Variants in SMOC1 observed in about 807,000 individuals in gnomAD.
SMOC1 encodes SPARC related modular calcium binding 1.
SMOC1 carries 22 observed loss-of-function variants against 56.3 expected under a neutral mutation model. The ratio of observed to expected loss-of-function variants is 0.39; its 90% CI spans 0.28 to 0.56. The LOEUF is 0.56. SMOC1 is among the 20% of genes least tolerant of loss of function. The pLI, the probability that SMOC1 is intolerant of heterozygous loss-of-function variation, is 0.61. For missense variants in SMOC1, 509 were observed against 565.4 expected (o/e 0.90, Z 1.01); for synonymous variants, 193 against 215.0 (o/e 0.90, Z 0.89).
intron 1 of SMOC1, among the ~76,000 whole-genome samples, chr14:69,950,661 A>G (rs1247477513): frequency 6.6e-6 from 1 of 152,206 alleles, no homozygotes; most frequent in African/African-American, 2.4e-5. Flanking sequence ...GGGAGTAGAT[A>G]AGGGTGGACC....
chr14:70,027,791 C>T (rs751984479), intron 11 of SMOC1, among the ~76,000 whole-genome samples: 4 of 152,158 alleles, frequency 2.6e-5, no homozygotes, highest in Non-Finnish European at 5.9e-5. Context: ...GAACTTAGCA[C>T]GGTACCTGGT....
intron 1 of SMOC1, among the ~76,000 whole-genome samples, chr14:69,936,947 T>C (rs1234382315): frequency 6.6e-6 from 1 of 152,230 alleles, no homozygotes; most frequent in South Asian, 2.1e-4. Flanking sequence ...TATGTATGTA[T>C]ATTTATATAC....
chr14:70,010,716 G>A (rs200528385), intron 7 of SMOC1, 38 bp from the exon 8 acceptor site: 2 of 1,605,768 alleles, frequency 1.2e-6, no homozygotes, highest in Non-Finnish European at 1.7e-6. Context: ...TTAAATCACA[G>A]GAGTGATAGT....
At chr14:70,014,168 G>A (rs906481810) in intron 10 of SMOC1, among the ~76,000 whole-genome samples, 3 of 152,216 alleles carry the variant, frequency 2.0e-5, no homozygotes, top group African/African-American at 2.4e-5. Context: ...CAAACACTGG[G>A]CTAAGGATGA....
intron 10 of SMOC1, among the ~76,000 whole-genome samples, chr14:70,017,081 C>T (rs1005544285): frequency 1.3e-5 from 2 of 152,116 alleles, no homozygotes; most frequent in Admixed American, 1.3e-4. Context: ...ATAGTAGGTG[C>T]CCAGTAAAAT....
intron 1 of SMOC1, among the ~76,000 whole-genome samples, chr14:69,937,313 C>T (rs1351036929): frequency 6.6e-6 from 1 of 152,160 alleles, no homozygotes; most frequent in East Asian, 1.9e-4. Flanking sequence ...TTATAAATGT[C>T]TGGACTAATA....
intron 5 of SMOC1, among the ~76,000 whole-genome samples, chr14:69,989,382 T>A (rs1339655991): frequency 6.6e-6 from 1 of 152,252 alleles, no homozygotes; most frequent in African/African-American, 2.4e-5. Flanking sequence ...TTAAATAAGG[T>A]TGCTTGTTAT....
intron 3 of SMOC1, among the ~76,000 whole-genome samples, chr14:69,967,770 A>T (rs1883624089): frequency 1.3e-5 from 2 of 152,238 alleles, no homozygotes; most frequent in Admixed American, 1.3e-4. Context: ...GAAGTCACAC[A>T]GCTAGTAGTG....
intron 1 of SMOC1, among the ~76,000 whole-genome samples, chr14:69,900,940 G>T (rs1377630622): frequency 6.6e-6 from 1 of 152,202 alleles, no homozygotes; most frequent in African/African-American, 2.4e-5. Context: ...TTCGAGGACA[G>T]ATTTTTCTTA....
intron 1 of SMOC1, among the ~76,000 whole-genome samples, chr14:69,927,425 A>T (rs543118725): frequency 5.9e-5 from 9 of 152,212 alleles, no homozygotes; most frequent in Non-Finnish European, 1.3e-4. Context: ...TCACACCTGT[A>T]ATCCCAGCAC....
chr14:70,028,210 G>A (rs759820214), intron 11 of SMOC1, among the ~76,000 whole-genome samples: 5 of 152,152 alleles, frequency 3.3e-5, no homozygotes, highest in Admixed American at 6.5e-5. Flanking sequence ...AATTTATAAA[G>A]CACCTTCACT....
chr14:69,972,046 C>T (rs1883780079), intron 3 of SMOC1, among the ~76,000 whole-genome samples: 1 of 152,154 alleles, frequency 6.6e-6, no homozygotes, highest in Non-Finnish European at 1.5e-5. Context: ...GTTTTATTTA[C>T]ATTATCAAAT....
intron 5 of SMOC1, among the ~76,000 whole-genome samples, chr14:69,984,821 C>T (rs1248707881): frequency 1.3e-5 from 2 of 151,832 alleles, no homozygotes; most frequent in East Asian, 1.9e-4. Flanking sequence ...CGCGCCACTG[C>T]ACTCCAGCCT....
chr14:69,928,563 G>T (rs559629002), intron 1 of SMOC1, among the ~76,000 whole-genome samples: 2 of 152,028 alleles, frequency 1.3e-5, no homozygotes, highest in East Asian at 3.9e-4. Flanking sequence ...CCTTGGTGTG[G>T]TGTGGCTGGG....
chr14:69,993,054 TG>T (rs1884619126), intron 6 of SMOC1, among the ~76,000 whole-genome samples: 1 of 151,902 alleles, frequency 6.6e-6, no homozygotes, highest in African/African-American at 2.4e-5. Context: ...TTGAAAGTGG[TG>T]GGGAGGAGTC....
intron 1 of SMOC1, among the ~76,000 whole-genome samples, chr14:69,949,664 C>T (rs969119204): frequency 4.6e-5 from 7 of 152,186 alleles, no homozygotes; most frequent in Admixed American, 3.3e-4. Context: ...GGAGAAGGAA[C>T]AGCGTGCCTG....
intron 3 of SMOC1, 73 bp downstream of exon 3, chr14:69,953,605 G>T: frequency 7.9e-7 from 1 of 1,267,178 alleles, no homozygotes; most frequent in Non-Finnish European, 1.2e-6. Flanking sequence ...AGAGCGCGAG[G>T]GCTGCTTGGC....
intron 1 of SMOC1, among the ~76,000 whole-genome samples, chr14:69,921,980 T>C (rs1884858669): frequency 1.3e-5 from 2 of 152,346 alleles, no homozygotes; most frequent in Admixed American, 6.5e-5. Flanking sequence ...GAACTGCTCC[T>C]GCCTGCCCAA....
At chr14:69,988,347 A>G (rs1300380835) in intron 5 of SMOC1, among the ~76,000 whole-genome samples, 1 of 151,422 alleles carries the variant, frequency 6.6e-6, no homozygotes, top group Non-Finnish European at 1.5e-5. Flanking sequence ...TTATAGTATT[A>G]AAGAGAAATA....
Sources: gnomAD v4.1 joint callset for allele counts (sites outside exome capture counted in the v4.1 genomes callset) on GRCh38, gnomAD v4.1.1 for gene constraint, MANE v1.5 for transcripts, NCBI Gene and HGNC (gene_info 2026-07-23, HGNC 2026-07-21) for gene names.